The following CCAR1 variants were observed in gnomAD, a reference collection of about 807,000 sequenced individuals.
CCAR1 encodes cell division cycle and apoptosis regulator protein 1.
In CCAR1, 78 loss-of-function variants were observed where a neutral mutation model predicts 163.8. That is an observed-to-expected ratio of 0.48 (90% CI 0.40 to 0.57). The LOEUF (loss-of-function observed/expected upper bound fraction) is 0.57, where lower values mean the gene tolerates loss of function less well. Among genes scored for constraint, CCAR1 ranks in the 20% least tolerant of loss-of-function variants. The pLI, the probability that CCAR1 is intolerant of heterozygous loss-of-function variation, is 0.00. For synonymous variants in CCAR1, 443 were observed against 460.7 expected, an observed-to-expected ratio of 0.96 and a Z score of 0.49; for missense variants, 1,019 against 1,365.2, an observed-to-expected ratio of 0.75 and a Z score of 4.00.
chr10:68,752,074 G>A (rs967102670), intron 10 of CCAR1, among the ~76,000 whole-genome samples: 18 of 150,706 alleles, frequency 1.2e-4, no homozygotes, highest in African/African-American at 3.9e-4. Context: ...CCGCTACCAC[G>A]CCCAGCTAAT....
Position 68,729,246 on chromosome 10 carries a change from C to T in CCAR1, c.73+6669C>T, listed in dbSNP as rs2055997078. Among the ~76,000 whole-genome samples, 7 of 150,736 alleles carry T rather than the reference C, an allele frequency of 4.6e-5. No individual in the cohort carries two copies. In the South Asian group the frequency reaches 6.3e-4, roughly 14 times the overall value. On this transcript the variant is annotated intron_variant, in intron 2 of 24. Coordinates refer to ENST00000265872, the MANE Select transcript of CCAR1 (RefSeq NM_018237.4). ...TTTTGTAGCCAGGCGTGGTGACTTA[C>T]TCTTTTTTGTTTTTTTGGGTTTTTT...
In CCAR1 at chr10:68,745,770, ATT is replaced by A. The variant is rs780197377; in HGVS notation, c.519-1381_519-1380del. 9.0e-4 allele frequency among the ~76,000 whole-genome samples: 130 copies of A among 144,616 alleles called. 1 individual carries two copies. In the Middle Eastern group the frequency reaches 0.011, roughly 12 times the overall value. 94.9% of individuals were successfully genotyped at this position (144,616 alleles called of 152,430 possible). ...TGAGCCACAACAACGCCCGGCAACTATTTTTTTTTTTCCAGTTTCTTCAGATC... is the reference window on the plus strand; with the variant it reads ...TGAGCCACAACAACGCCCGGCAACTATTTTTTTTTCCAGTTTCTTCAGATC... On this transcript the variant is annotated intron_variant, in intron 6 of 24. Transcript: ENST00000265872.
At chr10:68,757,647 A>G (rs1487310460) in intron 15 of CCAR1, among the ~76,000 whole-genome samples, 2 of 151,998 alleles carry the variant, frequency 1.3e-5, no homozygotes, top group African/African-American at 4.8e-5. Flanking sequence ...AACTCCTGAC[A>G]TCAGGTGATC....
intron 5 of CCAR1, among the ~76,000 whole-genome samples, chr10:68,741,111 A>G (rs566191447): frequency 4.0e-4 from 61 of 151,770 alleles, no homozygotes; most frequent in Non-Finnish European, 8.2e-4. Context: ...ATAGGGTTTC[A>G]CCATGCTAGC....
At chr10:68,758,935 G>A (rs1380770383) in intron 15 of CCAR1, among the ~76,000 whole-genome samples, 1 of 151,998 alleles carries the variant, frequency 6.6e-6, no homozygotes, top group Non-Finnish European at 1.5e-5. Context: ...GCCTCCCAAA[G>A]TGCTGGGATT....
At chr10:68,783,271 G>A (rs2056757695) in intron 19 of CCAR1, among the ~76,000 whole-genome samples, 1 of 151,928 alleles carries the variant, frequency 6.6e-6, no homozygotes, top group Non-Finnish European at 1.5e-5. Context: ...CTCACTGCAA[G>A]CTCCGCCTCC....
At chr10:68,725,946 T>C (rs2055937925) in intron 2 of CCAR1, among the ~76,000 whole-genome samples, 1 of 151,830 alleles carries the variant, frequency 6.6e-6, no homozygotes. Context: ...CGAAACCCCA[T>C]CTGCAGAAAC....
intron 2 of CCAR1, among the ~76,000 whole-genome samples, chr10:68,728,099 A>C (rs891081873): frequency 2.0e-5 from 3 of 152,170 alleles, no homozygotes; most frequent in Non-Finnish European, 2.9e-5. Flanking sequence ...GGCCTCCCAA[A>C]ATGCTGGGAT....
intron 23 of CCAR1, 58 bp downstream of exon 23, chr10:68,788,386 G>GT (rs1347642225): frequency 8.1e-7 from 1 of 1,227,542 alleles, no homozygotes; most frequent in Non-Finnish European, 1.1e-6. Flanking sequence ...ACACGTATAT[G>GT]TTTATGTGTG....
intron 6 of CCAR1, 52 bp downstream of exon 6, chr10:68,742,621 C>G (rs1251283753): frequency 1.4e-6 from 2 of 1,380,482 alleles, no homozygotes; most frequent in African/African-American, 1.4e-5. Context: ...CCACAAAACA[C>G]CTGTTTAGTT....
In CCAR1 at chr10:68,771,122, C is replaced by G; in HGVS notation, c.2299-84C>G. 5.8e-6 allele frequency: 7 copies of G among 1,197,314 alleles called. No homozygotes were observed. The South Asian group carries it at 1.1e-4, about 19-fold the overall frequency. 74.2% of individuals were successfully genotyped at this position (1,197,314 alleles called of 1,614,324 possible). A position where few individuals can be genotyped will look rare whatever the true frequency, so the allele number is the denominator to read the frequency against. On this transcript the variant is annotated intron_variant, in intron 17 of 24. Transcript: ENST00000265872. ...AAGTTTACATAATCGTTGTATGTGGCAAGTTTTTATTTGCTAAATTACTCT... is the reference window on the plus strand; with the variant it reads ...AAGTTTACATAATCGTTGTATGTGGGAAGTTTTTATTTGCTAAATTACTCT...
At chr10:68,759,638 C>G (rs2056443427) in intron 15 of CCAR1, among the ~76,000 whole-genome samples, 1 of 151,544 alleles carries the variant, frequency 6.6e-6, no homozygotes. Context: ...GTGGGAGGAT[C>G]ACTTGAACTT....
At chr10:68,754,475 C>T (rs2056374524) in intron 11 of CCAR1, among the ~76,000 whole-genome samples, 1 of 152,164 alleles carries the variant, frequency 6.6e-6, no homozygotes, top group South Asian at 2.1e-4. Context: ...ACTGAAAAAG[C>T]ATCCCTTCAA....
intron 19 of CCAR1, among the ~76,000 whole-genome samples, chr10:68,778,083 G>A (rs2056690349): frequency 6.6e-6 from 1 of 152,102 alleles, no homozygotes; most frequent in Non-Finnish European, 1.5e-5. Flanking sequence ...GGGTGTGGTG[G>A]TACATGCCTG....
At chr10:68,733,424 A>G (rs1489786801) in intron 2 of CCAR1, among the ~76,000 whole-genome samples, 1 of 152,156 alleles carries the variant, frequency 6.6e-6, no homozygotes, top group Non-Finnish European at 1.5e-5. Context: ...AAAAGTAAAA[A>G]GAGAAAATGA....
At chr10:68,784,805 C>T (rs1207282460) in intron 19 of CCAR1, among the ~76,000 whole-genome samples, 1 of 151,980 alleles carries the variant, frequency 6.6e-6, no homozygotes. Context: ...TACTGCTTGC[C>T]AAAGGCTCAG....
intron 10 of CCAR1, among the ~76,000 whole-genome samples, chr10:68,753,603 G>A (rs983971655): frequency 2.0e-5 from 3 of 151,990 alleles, no homozygotes; most frequent in Non-Finnish European, 2.9e-5. Flanking sequence ...ATTTCAAAGC[G>A]TCTTCTGTAA....
chr10:68,738,804 T>TGG (rs2056146590), intron 4 of CCAR1, among the ~76,000 whole-genome samples: 2 of 151,984 alleles, frequency 1.3e-5, no homozygotes, highest in Admixed American at 6.6e-5. Context: ...CCAAGCACTT[T>TGG]GGGAGGCCAA....
At chr10:68,725,071 T>C (rs2133294590) in intron 2 of CCAR1, among the ~76,000 whole-genome samples, 1 of 152,042 alleles carries the variant, frequency 6.6e-6, no homozygotes, top group African/African-American at 2.4e-5. Flanking sequence ...CCGGCGGAGG[T>C]TGCGGTGAGC....
Sources: gnomAD v4.1 joint callset for allele counts (sites outside exome capture counted in the v4.1 genomes callset) on GRCh38, gnomAD v4.1.1 for gene constraint, MANE v1.5 for transcripts, NCBI Gene and HGNC (gene_info 2026-07-23, HGNC 2026-07-21) for gene names.